Variants in MACF1 observed in about 807,000 individuals in gnomAD.
The protein encoded by MACF1 is microtubule-actin cross-linking factor 1.
MACF1 carries 193 observed loss-of-function variants against 854.8 expected under a neutral mutation model. That is an observed-to-expected ratio of 0.23 (90% CI 0.20 to 0.25). The LOEUF is 0.25. Among genes scored for constraint, MACF1 ranks in the 10% least tolerant of loss-of-function variants. The pLI is 1.00. For missense variants in MACF1, 7,722 were observed against 8,929.1 expected (o/e 0.86, Z 5.45); for synonymous variants, 3,185 against 3,226.7 (o/e 0.99, Z 0.44).
rs143526587 is a variant in MACF1, at chr1:39,444,805, T to G, written c.19575T>G (p.His6525Gln). The G allele has an allele frequency of 1.7e-4, 276 of 1,612,854 alleles. 1 individual carries two copies. The African/African-American group carries it at 3.3e-3, about 19-fold the overall frequency. ...TAGCACTTTTGGAGCAGAAGTGGCATGTGGTCAGCAGTAAGATGGAAGAAA... is the reference window on the plus strand; with the variant it reads ...TAGCACTTTTGGAGCAGAAGTGGCAGGTGGTCAGCAGTAAGATGGAAGAAA... Reference protein sequence around the residue: ...QSVALLEQKWHVVSSKMEERK... With the variant: ...QSVALLEQKWQVVSSKMEERK... Residue 6525 changes from histidine to glutamine, a missense_variant, in exon 80 of 101, where the codon CAT becomes CAG. Around this residue, in one of 15 missense-constraint regions of MACF1, gnomAD observed 729 missense variants for 900.5 expected, o/e 0.81. Coordinates refer to ENST00000564288, the MANE Select transcript of MACF1 (RefSeq NM_001394062.1).
chr1:39,477,378 C>T (rs181404571), intron 97 of MACF1, among the ~76,000 whole-genome samples: 1 of 151,904 alleles, frequency 6.6e-6, no homozygotes, highest in African/African-American at 2.4e-5. Context: ...GCACATGCCA[C>T]CATGCCTAGC....
At chr1:39,316,672 T>G in intron 28 of MACF1, 143 bp downstream of exon 28, 1 of 752,240 alleles carries the variant, frequency 1.3e-6, no homozygotes. Context: ...TATTTTAATA[T>G]GTATTCAAAG....
chr1:39,389,530 T>C (rs1447130385), intron 58 of MACF1, among the ~76,000 whole-genome samples: 1 of 151,768 alleles, frequency 6.6e-6, no homozygotes, highest in African/African-American at 2.4e-5. Context: ...TGGTTAATTT[T>C]TATATTTTTA....
At chr1:39,381,794 C>G (rs531574691) in intron 55 of MACF1, among the ~76,000 whole-genome samples, 159 bp from the exon 56 acceptor site, 29 of 152,240 alleles carry the variant, frequency 1.9e-4, no homozygotes, top group African/African-American at 7.0e-4. Context: ...CGTGCCACTG[C>G]TCTATCCTGG....
chr1:39,144,320 AT>A (rs1643415570), intron 2 of MACF1, among the ~76,000 whole-genome samples: 1 of 151,964 alleles, frequency 6.6e-6, no homozygotes, highest in Non-Finnish European at 1.5e-5. Context: ...ACCTCAGGTG[AT>A]CCACCTGCCT....
intron 1 of MACF1, among the ~76,000 whole-genome samples, chr1:39,209,161 A>G (rs898905038): frequency 6.6e-6 from 1 of 151,260 alleles, no homozygotes. Context: ...CGGAGGTTGC[A>G]GTGAGCCGAG....
At position 39,455,091 on chromosome 1, in the gene MACF1, G is replaced by C; in HGVS notation, c.21069G>C (p.Glu7023Asp). ...ACCGAGTTAAAGCCCTTATCGCTGA[G>C]CATCAGGTATCTTAACCTCACTGTG... ...NIDRVKALIA[E>D]HQTFMEEMTR... Residue 7023 changes from glutamate to aspartate, a missense_variant, in exon 89 of 101, where the codon GAG becomes GAC. Glu to Asp is a conservative substitution (Grantham distance 45). This residue lies in a region of MACF1 where 729 missense variants were observed against 900.5 expected (regional missense o/e 0.81). Transcript: ENST00000564288. The C allele has an allele frequency of 6.2e-7, 1 of 1,613,792 alleles. No homozygotes were observed. The highest frequency in any genetic ancestry group is 8.5e-7 in the Non-Finnish European group (1 of 1,179,816).
intron 2 of MACF1, among the ~76,000 whole-genome samples, chr1:39,192,503 T>G (rs2148249931): frequency 6.6e-6 from 1 of 152,346 alleles, no homozygotes; most frequent in East Asian, 1.9e-4. Flanking sequence ...ATAAAAGGAA[T>G]GAGCTGACTG....
intron 2 of MACF1, among the ~76,000 whole-genome samples, chr1:39,107,282 A>G (rs766459536): frequency 4.4e-4 from 67 of 152,222 alleles, no homozygotes; most frequent in Non-Finnish European, 8.2e-4. Context: ...AGGCTGGGAA[A>G]GAAGGGGGCA....
rs747274833 is a variant in MACF1 at position 39,428,114 on chromosome 1, C to G, written c.16630C>G (p.Arg5544Gly). ...GGCCCGATACAGTGAAATTCAAGAC[C>G]GCTGTTGTCGGAAGGCAGCCCTACT... ...LQARYSEIQD[R>G]CCRKAALLDQ... Residue 5544 changes from arginine (R) to glycine (G), a missense_variant, in exon 63 of 101, where the codon CGC becomes GGC. Arg to Gly is a moderately radical substitution (Grantham distance 125, BLOSUM62 -2). This residue lies in a region of MACF1 where 2,807 missense variants were observed against 3,235.8 expected (regional missense o/e 0.87). Transcript: ENST00000564288. The G allele has an allele frequency of 2.2e-5, 36 of 1,614,010 alleles. No homozygotes were observed. Among genetic ancestry groups the G allele is most frequent in the Non-Finnish European group, 3.0e-5 (35 of 1,180,048 alleles).
Position 39,442,712 on chromosome 1 carries a change from A to C in MACF1, c.19105-2A>C, listed in dbSNP as rs1201691440. On this transcript the variant is annotated splice_acceptor_variant, in intron 77 of 100. Transcript: ENST00000564288. LOFTEE classifies it high-confidence loss of function. ...TAAATTATGTTGTTCAACATGTTTT[A>C]GGTCCTAAAAAATGATGTTTTGGCT... 1 of 1,613,510 alleles carries C rather than the reference A, an allele frequency of 6.2e-7. No individual in the cohort carries two copies. The highest frequency in any genetic ancestry group is 8.5e-7 in the Non-Finnish European group (1 of 1,179,954).
At chr1:39,173,910 G>A (rs538825187) in intron 2 of MACF1, among the ~76,000 whole-genome samples, 33 of 152,128 alleles carry the variant, frequency 2.2e-4, no homozygotes, top group Non-Finnish European at 4.3e-4. Flanking sequence ...TTTTGATTAA[G>A]GCTGCCTTTT....
At chr1:39,102,583 G>A (rs914521969) in intron 2 of MACF1, 6 of 602,900 alleles carry the variant, frequency 1.0e-5, no homozygotes, top group South Asian at 2.0e-5. Context: ...CATTAGAGGC[G>A]CTGAAAGAAA....
intron 97 of MACF1, among the ~76,000 whole-genome samples, chr1:39,474,983 C>T (rs1381325042): frequency 6.6e-6 from 1 of 152,096 alleles, no homozygotes; most frequent in Non-Finnish European, 1.5e-5. Flanking sequence ...GCCAAATGTA[C>T]AAGGTTAGCG....
chr1:39,091,350 C>A (rs1465585587), intron 2 of MACF1, among the ~76,000 whole-genome samples: 16 of 152,148 alleles, frequency 1.1e-4, no homozygotes, highest in Admixed American at 1.0e-3. Flanking sequence ...AATTGGGTGA[C>A]CCTGGGACGT....
chr1:39,477,077 A>ACACACACATATATACACTTAGTGTG (rs1183082119), intron 97 of MACF1, among the ~76,000 whole-genome samples: 4 of 19,242 alleles, frequency 2.1e-4, no homozygotes, highest in African/African-American at 7.3e-4. Flanking sequence ...ATATATATAT[A>ACACACACATATATACACTTAGTGTG]TATATATATA....
intron 2 of MACF1, among the ~76,000 whole-genome samples, chr1:39,233,159 C>T (rs1417375740): frequency 1.3e-5 from 2 of 151,658 alleles, no homozygotes; most frequent in Admixed American, 1.3e-4. Context: ...CTCAGCCTCC[C>T]GAGTAGCTGG....
At chr1:39,107,120 CAG>C (rs1025744494) in intron 2 of MACF1, among the ~76,000 whole-genome samples, 7 of 152,118 alleles carry the variant, frequency 4.6e-5, no homozygotes, top group Non-Finnish European at 8.8e-5. Flanking sequence ...CTGCTCTCTT[CAG>C]AGAGAGGAGA....
intron 6 of MACF1, among the ~76,000 whole-genome samples, chr1:39,277,661 T>C (rs1284879685): frequency 2.0e-5 from 3 of 152,232 alleles, no homozygotes; most frequent in Non-Finnish European, 2.9e-5. Flanking sequence ...CTTCTACTTA[T>C]TAAAACTCAG....
Sources: gnomAD v4.1 joint callset for allele counts (sites outside exome capture counted in the v4.1 genomes callset) on GRCh38, gnomAD v4.1.1 for gene constraint, gnomAD v4.1.1 regional missense constraint, MANE v1.5 for transcripts, NCBI Gene and HGNC (gene_info 2026-07-23, HGNC 2026-07-21) for gene names.